IRAG1: variants seen among roughly 807,000 people sequenced by gnomAD.
IRAG1 encodes inositol 1,4,5-triphosphate receptor associated 1.
Under a neutral mutation model 106.2 loss-of-function variants are expected in IRAG1, and 62 were observed. That is an observed-to-expected ratio of 0.58 (90% CI 0.48 to 0.72). The LOEUF is 0.72. IRAG1 is among the 30% of genes least tolerant of loss of function. The pLI is 0.00. For missense variants in IRAG1, 1,064 were observed against 1,140.7 expected (o/e 0.93, Z 0.97); for synonymous variants, 462 against 443.9 (o/e 1.04, Z -0.51).
Position 10,580,489 on chromosome 11 carries a change from C to A in IRAG1, c.2461G>T (p.Glu821Ter). 2 of 1,613,946 alleles carry A rather than the reference C, an allele frequency of 1.2e-6. No individual in the cohort carries two copies. The highest frequency in any genetic ancestry group is 1.7e-6 in the Non-Finnish European group (2 of 1,179,860). The part of the protein sequence containing the change: ...ESPEEPEEVE[E>*]TEEEEKGPRS... ...GGGCCCTTTTCCTCTTCCTCAGTTTCTTCTACCTCTTCAGGTTCCTCAGGA... is the reference window on the plus strand; with the variant it reads ...GGGCCCTTTTCCTCTTCCTCAGTTTATTCTACCTCTTCAGGTTCCTCAGGA... Residue 821 changes from glutamate to a stop codon, truncating the protein, a stop_gained, in exon 20 of 21, where the codon GAA (glutamate) becomes TAA (stop). Coordinates refer to ENST00000423302, the MANE Select transcript of IRAG1 (RefSeq NM_130385.4). LOFTEE classifies it high-confidence loss of function.
intron 1 of IRAG1, among the ~76,000 whole-genome samples, chr11:10,672,057 T>C (rs1860277182): frequency 1.3e-5 from 2 of 152,358 alleles, no homozygotes; most frequent in South Asian, 4.1e-4. Context: ...CTTACATTTA[T>C]AGTTAATTGA....
chr11:10,655,959 G>T (rs1858890572), intron 1 of IRAG1, among the ~76,000 whole-genome samples: 1 of 152,100 alleles, frequency 6.6e-6, no homozygotes, highest in Non-Finnish European at 1.5e-5. Flanking sequence ...CTGCCTGCAG[G>T]GGCCATTCCC....
chr11:10,615,132 G>C (rs1855294040), intron 10 of IRAG1, among the ~76,000 whole-genome samples: 1 of 152,198 alleles, frequency 6.6e-6, no homozygotes, highest in African/African-American at 2.4e-5. Flanking sequence ...GATATGAACA[G>C]ACACTTCTCA....
intron 8 of IRAG1, among the ~76,000 whole-genome samples, chr11:10,626,867 T>C (rs1166155497): frequency 6.6e-6 from 1 of 152,242 alleles, no homozygotes; most frequent in Non-Finnish European, 1.5e-5. Context: ...CCTAACTCAG[T>C]TGCCCCAGAT....
intron 2 of IRAG1, 108 bp downstream of exon 2, chr11:10,651,917 A>G (rs1298341857): frequency 6.0e-6 from 8 of 1,324,508 alleles, no homozygotes; most frequent in Non-Finnish European, 8.0e-6. Context: ...TGCAACCTAC[A>G]TGAGCTGTCA....
At chr11:10,583,491 T>C (rs1232957272) in intron 18 of IRAG1, among the ~76,000 whole-genome samples, 2 of 152,072 alleles carry the variant, frequency 1.3e-5, no homozygotes, top group South Asian at 2.1e-4. Flanking sequence ...GATTTGATAA[T>C]ACAGAGGTCA....
chr11:10,576,439 A>C lies in IRAG1; in HGVS notation c.2632T>G (p.Cys878Gly). ...VLGLYNSYNS[C>G]AEQADGPLGR... ...AGGGGCCCATCAGCCTGCTCTGCAC[A>C]AGAGTTATAGGAATTGTAGAGCCCC... Residue 878 changes from cysteine (C) to glycine (G), a missense_variant, in exon 21 of 21, where the codon TGT (cysteine) becomes GGT (glycine). By Grantham distance (159) the Cys-to-Gly change is radical. Coordinates refer to ENST00000423302, the MANE Select transcript of IRAG1 (RefSeq NM_130385.4). The C allele has an allele frequency of 1.2e-6, 2 of 1,613,994 alleles. No homozygotes were observed. The highest frequency in any genetic ancestry group is 1.7e-6 in the Non-Finnish European group (2 of 1,179,894).
intron 5 of IRAG1, among the ~76,000 whole-genome samples, chr11:10,629,043 C>T (rs896154460): frequency 5.3e-5 from 8 of 151,934 alleles, no homozygotes; most frequent in African/African-American, 1.9e-4. Context: ...TTTGGGGGTT[C>T]GAGGATAGAG....
chr11:10,625,235 G>A (rs1856149653), intron 9 of IRAG1, among the ~76,000 whole-genome samples: 1 of 152,180 alleles, frequency 6.6e-6, no homozygotes, highest in Admixed American at 6.5e-5. Context: ...TGCTCTGAGG[G>A]TGCTGGGCCT....
At chr11:10,681,393 C>A (rs1010664364) in intron 1 of IRAG1, among the ~76,000 whole-genome samples, 1 of 152,150 alleles carries the variant, frequency 6.6e-6, no homozygotes, top group African/African-American at 2.4e-5. Flanking sequence ...TTTAAAAATA[C>A]AACCTTCCAT....
intron 1 of IRAG1, among the ~76,000 whole-genome samples, chr11:10,669,060 G>A (rs751811637): frequency 6.6e-6 from 1 of 152,188 alleles, no homozygotes; most frequent in Non-Finnish European, 1.5e-5. Flanking sequence ...ATCCAAGAGT[G>A]TACAAATGGA....
At chr11:10,680,572 A>G (rs1248383650) in intron 1 of IRAG1, among the ~76,000 whole-genome samples, 4 of 146,438 alleles carry the variant, frequency 2.7e-5, no homozygotes, top group East Asian at 2.0e-4. Context: ...AGGGGAAGGG[A>G]AATCTCCATT....
chr11:10,687,733 G>A, intron 1 of IRAG1: 1 of 1,289,028 alleles, frequency 7.8e-7, no homozygotes, highest in Non-Finnish European at 1.0e-6. Context: ...GACTGTGGAT[G>A]GTCAGAGCCT....
rs935411925 is a variant in IRAG1, at chr11:10,575,953, G to GAGTA, written c.*375_*378dup. 4.5e-6 allele frequency: 1 copy of GAGTA among 220,322 alleles called. No homozygotes were observed. The highest frequency in any genetic ancestry group is 9.3e-6 in the Non-Finnish European group (1 of 107,418). 13.6% of individuals were successfully genotyped at this position (220,322 alleles called of 1,614,324 possible). A position where few individuals can be genotyped will look rare whatever the true frequency, so the allele number is the denominator to read the frequency against. On this transcript the variant is annotated 3_prime_UTR_variant, in exon 21 of 21. Transcript: ENST00000423302. Reference sequence around the variant, plus strand: ...AACCAATTACAGAGAGGAAAAAAGAGAGTAAGTTTTTTACTGCCCCCTACC... The same window carrying GAGTA: ...AACCAATTACAGAGAGGAAAAAAGAGAGTAAGTAAGTTTTTTACTGCCCCCTACC...
intron 2 of IRAG1, among the ~76,000 whole-genome samples, chr11:10,646,545 C>T (rs1453721675): frequency 6.6e-6 from 1 of 152,136 alleles, no homozygotes; most frequent in Admixed American, 6.5e-5. Context: ...GTTCTAGGTG[C>T]TCCACAAGCA....
chr11:10,588,234 A>G (rs1256418861), intron 18 of IRAG1, among the ~76,000 whole-genome samples: 1 of 152,192 alleles, frequency 6.6e-6, no homozygotes, highest in African/African-American at 2.4e-5. Context: ...TGAATACTCC[A>G]TACTTTGTCA....
At chr11:10,623,998 TG>T in intron 9 of IRAG1, 142 bp from the exon 10 acceptor site, 1 of 706,190 alleles carries the variant, frequency 1.4e-6, no homozygotes, top group Admixed American at 2.2e-5. Context: ...AGGCATGGCA[TG>T]GTGAGGCCTG....
chr11:10,641,790 T>C (rs1358405250), intron 2 of IRAG1, among the ~76,000 whole-genome samples: 1 of 152,218 alleles, frequency 6.6e-6, no homozygotes. Context: ...GATATCTTTC[T>C]TTTTTCTCTT....
chr11:10,583,859 A>G (rs1488790770), intron 18 of IRAG1, among the ~76,000 whole-genome samples: 4 of 152,116 alleles, frequency 2.6e-5, no homozygotes, highest in South Asian at 2.1e-4. Context: ...TCCTATGGGA[A>G]TGTAGCTTAG....
Sources: allele counts gnomAD v4.1 joint callset (sites outside exome capture counted in the v4.1 genomes callset), GRCh38; gene constraint gnomAD v4.1.1; transcripts MANE v1.5; gene names NCBI Gene and HGNC (gene_info 2026-07-23, HGNC 2026-07-21).